The following GALNT14 variants were observed in gnomAD, a reference collection of about 807,000 sequenced individuals.
GALNT14 encodes polypeptide N-acetylgalactosaminyltransferase 14, also known as UDP-GalNAc:polypeptide N-acetylgalactosaminyltransferase 14.
Under a neutral mutation model 77.5 loss-of-function variants are expected in GALNT14, and 60 were observed. The observed-to-expected ratio is 0.77, with a 90% CI of 0.63 to 0.96. GALNT14 has a LOEUF of 0.96. Ranked by LOEUF, GALNT14 falls within the 40% of genes least tolerant of loss-of-function variation. The pLI, the probability that GALNT14 is intolerant of heterozygous loss-of-function variation, is 0.00. For missense variants in GALNT14, 710 were observed against 731.0 expected (o/e 0.97, Z 0.33); for synonymous variants, 280 against 281.7 (o/e 0.99, Z 0.06).
chr2:30,943,971 T>C (rs1416456431), intron 8 of GALNT14, among the ~76,000 whole-genome samples: 2 of 152,196 alleles, frequency 1.3e-5, no homozygotes, highest in Non-Finnish European at 2.9e-5. Context: ...AATGATTAAA[T>C]ACTTACTATG....
In GALNT14 at chr2:31,048,596, A is replaced by G. The variant is rs6705225; in HGVS notation, c.130-55589T>C. Among the ~76,000 whole-genome samples the G allele has an allele frequency of 9.0e-3, 1,153 of 127,722 alleles. 22 individuals carry two copies. Among genetic ancestry groups the G allele is most frequent in the African/African-American group, 0.031 (1,072 of 34,308 alleles). 83.8% of individuals were successfully genotyped at this position (127,722 alleles called of 152,430 possible). ...GCCCTGGGACTGCCTCCCCACCCCCACTCCTGCCTCCCCTGCCTCCCCTGC... is the reference window on the plus strand; with the variant it reads ...GCCCTGGGACTGCCTCCCCACCCCCGCTCCTGCCTCCCCTGCCTCCCCTGC... On this transcript the variant is annotated intron_variant, in intron 1 of 14. Transcript: ENST00000349752.
rs780061412 is a variant in GALNT14, at chr2:30,912,376, G to C, written c.1381-34C>G. On this transcript the variant is annotated intron_variant, in intron 13 of 14. Coordinates refer to ENST00000349752, the MANE Select transcript of GALNT14 (RefSeq NM_024572.4). ...AAAGAGACCAGGAAGGTTTGTTCAG[G>C]ATCCAGGAAGCCACCACTCGTGGGA... 3.1e-6 allele frequency: 5 copies of C among 1,610,032 alleles called. No individual in the cohort carries two copies. In the Admixed American group the frequency reaches 8.4e-5, roughly 27 times the overall value.
At chr2:31,093,210 T>A (rs141794555) in intron 1 of GALNT14, among the ~76,000 whole-genome samples, 4 of 152,240 alleles carry the variant, frequency 2.6e-5, no homozygotes, top group Admixed American at 1.3e-4. Flanking sequence ...AAAGCAGATT[T>A]ATGGAGAGAA....
intron 1 of GALNT14, among the ~76,000 whole-genome samples, chr2:31,007,444 G>A (rs917283453): frequency 6.6e-6 from 1 of 152,178 alleles, no homozygotes; most frequent in Non-Finnish European, 1.5e-5. Flanking sequence ...TGACACGCGT[G>A]TCACCAATCA....
chr2:30,918,624 C>CGGGCAGGGAGGGTGGCATT (rs1426685351), intron 13 of GALNT14, among the ~76,000 whole-genome samples: 1 of 149,616 alleles, frequency 6.7e-6, no homozygotes, highest in Non-Finnish European at 1.5e-5. Flanking sequence ...AGGGTGGCAT[C>CGGGCAGGGAGGGTGGCATT]GGGCAGGGAG....
chr2:30,966,530 A>AATTTTCTCC (rs1448675968), intron 2 of GALNT14, among the ~76,000 whole-genome samples: 4 of 152,214 alleles, frequency 2.6e-5, no homozygotes, highest in African/African-American at 9.6e-5. Flanking sequence ...ACCTTGGGGG[A>AATTTTCTCC]ACCTAGGCTT....
At chr2:31,032,476 TGAAGTAGGCAGAGTAGCTGGGCTTAA>T in intron 1 of GALNT14, among the ~76,000 whole-genome samples, 1 of 152,164 alleles carries the variant, frequency 6.6e-6, no homozygotes, top group Non-Finnish European at 1.5e-5. Context: ...AAGAAACAGA[TGAAGTAGGCAGAGTAGCTGGGCTTAA>T]TTGTTGCTGT....
rs116855506 is a variant in GALNT14, at chr2:30,977,646, C to A, written c.300-11344G>T. Among the ~76,000 whole-genome samples the A allele has an allele frequency of 2.5e-4, 38 of 152,266 alleles. 1 individual carries two copies. The East Asian group carries it at 7.2e-3, about 29-fold the overall frequency. ...AAAAGTAAGGCCTGCAGCCAAGGAA[C>A]TCCAGGAATGTGCTAGACTCAGCAC... On this transcript the variant is annotated intron_variant, in intron 2 of 14. Coordinates refer to ENST00000349752, the MANE Select transcript of GALNT14 (RefSeq NM_024572.4).
intron 1 of GALNT14, among the ~76,000 whole-genome samples, chr2:31,134,487 G>A (rs1346387422): frequency 6.6e-6 from 1 of 152,208 alleles, no homozygotes; most frequent in Non-Finnish European, 1.5e-5. Context: ...AGTCCCATCC[G>A]AATTCCTACT....
intron 2 of GALNT14, among the ~76,000 whole-genome samples, chr2:30,988,379 G>A (rs1464011510): frequency 6.6e-6 from 1 of 152,178 alleles, no homozygotes; most frequent in African/African-American, 2.4e-5. Context: ...CAATGGCGAT[G>A]GGGCCAGGAG....
At chr2:31,118,188 C>T (rs1340344657) in intron 1 of GALNT14, among the ~76,000 whole-genome samples, 1 of 152,144 alleles carries the variant, frequency 6.6e-6, no homozygotes, top group East Asian at 1.9e-4. Flanking sequence ...GATAATTTCA[C>T]AGCTGAGTTT....
At chr2:30,981,664 G>A (rs754445024) in intron 2 of GALNT14, among the ~76,000 whole-genome samples, 3 of 151,944 alleles carry the variant, frequency 2.0e-5, no homozygotes, top group Non-Finnish European at 4.4e-5. Context: ...CAGGGGGAGG[G>A]GCACCACTGC....
rs187338104 is a variant in GALNT14, at chr2:31,004,800, C to T, written c.130-11793G>A. On this transcript the variant is annotated intron_variant, in intron 1 of 14. Coordinates refer to ENST00000349752, the MANE Select transcript of GALNT14 (RefSeq NM_024572.4). ...CCAGGCTTCTCTCCCCTCCTTAGCT[C>T]ACTGCAAAGGACTGGAACATATCTT... Among the ~76,000 whole-genome samples, 894 of 152,320 alleles carry T rather than the reference C, an allele frequency of 5.9e-3. 15 individuals are homozygous for T. Among genetic ancestry groups the T allele is most frequent in the African/African-American group, 0.02 (851 of 41,562 alleles).
chr2:30,919,954 C>G (rs1664932089), intron 13 of GALNT14, among the ~76,000 whole-genome samples: 1 of 152,140 alleles, frequency 6.6e-6, no homozygotes, highest in African/African-American at 2.4e-5. Context: ...GGGGGTACAA[C>G]CTTCGTTCAT....
intron 1 of GALNT14, among the ~76,000 whole-genome samples, chr2:31,021,253 C>T (rs953624852): frequency 3.3e-5 from 5 of 152,154 alleles, no homozygotes; most frequent in Non-Finnish European, 5.9e-5. Context: ...GGTCTTCTCC[C>T]TCAGACCTGT....
At chr2:31,029,973 A>T (rs986481829) in intron 1 of GALNT14, among the ~76,000 whole-genome samples, 1 of 152,258 alleles carries the variant, frequency 6.6e-6, no homozygotes, top group African/African-American at 2.4e-5. Context: ...GGAACGAGTG[A>T]GTTCTTCTCT....
intron 1 of GALNT14, among the ~76,000 whole-genome samples, chr2:31,037,922 G>A (rs550573940): frequency 5.9e-5 from 9 of 151,398 alleles, no homozygotes; most frequent in South Asian, 2.1e-4. Context: ...ATCCTTCTTA[G>A]GGCTTTCCTG....
intron 1 of GALNT14, among the ~76,000 whole-genome samples, chr2:31,034,899 A>C (rs1436055427): frequency 6.6e-6 from 1 of 152,174 alleles, no homozygotes; most frequent in African/African-American, 2.4e-5. Context: ...ATATTTGTGA[A>C]TTTCCCAAAT....
intron 9 of GALNT14, among the ~76,000 whole-genome samples, chr2:30,933,204 G>A (rs1166900061): frequency 6.6e-6 from 1 of 152,204 alleles, no homozygotes; most frequent in Non-Finnish European, 1.5e-5. Context: ...ATTTTCTACA[G>A]ATAATGTACC....
Sources: gnomAD v4.1 joint callset for allele counts (sites outside exome capture counted in the v4.1 genomes callset) on GRCh38, gnomAD v4.1.1 for gene constraint, MANE v1.5 for transcripts, NCBI Gene and HGNC (gene_info 2026-07-23, HGNC 2026-07-21) for gene names.